The following C2CD2 variants were observed in gnomAD, a reference collection of about 807,000 sequenced individuals.
The protein encoded by C2CD2 is C2 calcium dependent domain containing 2, also known as C2 domain-containing protein 2.
C2CD2 carries 43 observed loss-of-function variants against 74.3 expected under a neutral mutation model. That is an observed-to-expected ratio of 0.58 (90% CI 0.45 to 0.75). C2CD2 has a LOEUF of 0.75. Ranked by LOEUF, C2CD2 falls within the 30% of genes least tolerant of loss-of-function variation. The pLI, the probability that C2CD2 is intolerant of heterozygous loss-of-function variation, is 0.00. For synonymous variants in C2CD2, 422 were observed against 390.7 expected, an observed-to-expected ratio of 1.08 and a Z score of -0.94; for missense variants, 801 against 916.3, an observed-to-expected ratio of 0.87 and a Z score of 1.63.
At chr21:41,897,380 G>T (rs766577208) in intron 13 of C2CD2, among the ~76,000 whole-genome samples, 1 of 152,180 alleles carries the variant, frequency 6.6e-6, no homozygotes, top group African/African-American at 2.4e-5. Flanking sequence ...ACCCATGTTT[G>T]TCCCGCTTCG....
At chr21:41,914,488 C>T in intron 6 of C2CD2, 110 bp downstream of exon 6, 3 of 847,006 alleles carry the variant, frequency 3.5e-6, no homozygotes, top group South Asian at 3.9e-5. Flanking sequence ...GCTCCCGCTG[C>T]ACCCCCACGG....
In C2CD2 at chr21:41,939,090, G is replaced by A. The variant is rs563011952; in HGVS notation, c.378+3057C>T. Among the ~76,000 whole-genome samples, 15 of 152,254 alleles carry A rather than the reference G, an allele frequency of 9.9e-5. No homozygotes were observed. The highest frequency in any genetic ancestry group is 3.1e-4 in the African/African-American group (13 of 41,558). ...CTGAATTCTATTCCACCGCGTGGAC[G>A]AGCCACAGTTTATTGATCTATTCGC... is the stretch of plus-strand genomic sequence containing the variant. On this transcript the variant is annotated intron_variant, in intron 2 of 13. Transcript: ENST00000380486. The surrounding 1 kb of genome is among the most constrained non-coding windows in gnomAD (Gnocchi z 5.5).
intron 8 of C2CD2, 150 bp downstream of exon 8, chr21:41,909,309 G>T: frequency 5.2e-6 from 3 of 571,670 alleles, no homozygotes; most frequent in Non-Finnish European, 6.4e-6. Context: ...ATTGCCTTTC[G>T]ACCAAACATT....
chr21:41,912,037 G>A (rs920779143), intron 7 of C2CD2: 30 of 288,824 alleles, frequency 1.0e-4, no homozygotes, highest in Non-Finnish European at 1.7e-4. Flanking sequence ...TCTGGATTCA[G>A]TCAGAGGCTC....
At chr21:41,914,550 G>A (rs2065065924) in intron 6 of C2CD2, 48 bp downstream of exon 6, 1 of 1,586,158 alleles carries the variant, frequency 6.3e-7, no homozygotes, top group Non-Finnish European at 8.6e-7. Flanking sequence ...ACTCTGCTCA[G>A]GGGCTGGAAG....
At chr21:41,943,599 G>A (rs2065373694) in intron 1 of C2CD2, among the ~76,000 whole-genome samples, 1 of 152,168 alleles carries the variant, frequency 6.6e-6, no homozygotes, top group South Asian at 2.1e-4. Flanking sequence ...CCACCGTGGT[G>A]AGCTAGGTCC....
intron 1 of C2CD2, among the ~76,000 whole-genome samples, chr21:41,950,835 C>T (rs2065444224): frequency 6.6e-6 from 1 of 151,984 alleles, no homozygotes; most frequent in Non-Finnish European, 1.5e-5. Context: ...CAGAAAATTC[C>T]ACTTTTCAGA....
At chr21:41,910,357 C>T (rs893897610) in intron 7 of C2CD2, among the ~76,000 whole-genome samples, 2 of 152,084 alleles carry the variant, frequency 1.3e-5, no homozygotes, top group African/African-American at 4.8e-5. Context: ...CTTTGCACGC[C>T]GTGTGATTAT....
In C2CD2 at chr21:41,907,701, A is replaced by T. The variant is rs201647017; in HGVS notation, c.1102T>A (p.Ser368Thr). Residue 368 changes from serine to threonine, a missense_variant, in exon 9 of 14, where the codon TCT becomes ACT. Transcript: ENST00000380486. ...CCCAGCACCGAGCTGCCGCAGGCAGACCCGCTGGTCAGCGTGAAGCTCTGT... is the reference window on the plus strand; with the variant it reads ...CCCAGCACCGAGCTGCCGCAGGCAGTCCCGCTGGTCAGCGTGAAGCTCTGT... Reference protein sequence around the residue: ...GPQSFTLTSGSACGSSVLGSV... With the variant: ...GPQSFTLTSGTACGSSVLGSV... 206 of 1,612,796 alleles carry T rather than the reference A, an allele frequency of 1.3e-4. 3 individuals are homozygous for T. The Middle Eastern group carries it at 0.011, about 89-fold the overall frequency.
chr21:41,885,649 T>C lies in C2CD2; in HGVS notation c.*3475A>G, dbSNP rs2064675444. The stretch of plus-strand genomic sequence containing the variant: ...TCAGACAGAGATACGTGTCCTGCCT[T>C]CCACCATCCACCAATTTGTACTCTG... On this transcript the variant is annotated 3_prime_UTR_variant, in exon 14 of 14. Coordinates refer to ENST00000380486, the MANE Select transcript of C2CD2 (RefSeq NM_015500.2). The C allele has an allele frequency of 6.6e-6, 1 of 152,354 alleles. No homozygotes were observed. The highest frequency in any genetic ancestry group is 1.5e-5 in the Non-Finnish European group (1 of 67,898). The allele number at this position is 152,354 out of a possible 1,614,324, so 9.4% of individuals were successfully genotyped here.
chr21:41,948,887 T>TTTTTTTTTA (rs2065426134), intron 1 of C2CD2, among the ~76,000 whole-genome samples: 1 of 129,208 alleles, frequency 7.7e-6, no homozygotes, highest in African/African-American at 2.8e-5. Flanking sequence ...TTTTTTTTTT[T>TTTTTTTTTA]TTTTTCTTTT....
Position 41,888,958 on chromosome 21 carries a change from G to A in C2CD2, c.*166C>T. On this transcript the variant is annotated 3_prime_UTR_variant, in exon 14 of 14. Coordinates refer to ENST00000380486, the MANE Select transcript of C2CD2 (RefSeq NM_015500.2). The stretch of plus-strand genomic sequence containing the variant: ...TGTCCTCTCTGGGAGAAGCCTCCTG[G>A]CTGGAGACTCAGATTTTGTTTTCCC... 1.6e-6 allele frequency: 1 copy of A among 629,332 alleles called. No individual in the cohort carries two copies. Among genetic ancestry groups the A allele is most frequent in the Non-Finnish European group, 2.8e-6 (1 of 357,072 alleles). The allele number at this position is 629,332 out of a possible 1,614,324, so 39.0% of individuals were successfully genotyped here.
chr21:41,886,029 TA>T lies in C2CD2; in HGVS notation c.*3094del, dbSNP rs1569047580. On this transcript the variant is annotated 3_prime_UTR_variant, in exon 14 of 14. Coordinates refer to ENST00000380486, the MANE Select transcript of C2CD2 (RefSeq NM_015500.2). The stretch of plus-strand genomic sequence containing the variant: ...ACACACGCGTGTGTGCAAACACACA[TA>T]ACACACACACACACTTAAAGCTCCA... 3 of 152,246 alleles carry T rather than the reference TA, an allele frequency of 2.0e-5. No homozygotes were observed. Among genetic ancestry groups the T allele is most frequent in the Non-Finnish European group, 4.4e-5 (3 of 68,016 alleles). 9.4% of individuals were successfully genotyped at this position (152,246 alleles called of 1,614,324 possible).
chr21:41,931,416 A>G lies in C2CD2; in HGVS notation c.379-9331T>C, dbSNP rs1377923939. Among the ~76,000 whole-genome samples, 23 of 132,128 alleles carry G rather than the reference A, an allele frequency of 1.7e-4. 3 individuals carry two copies. Among genetic ancestry groups the G allele is most frequent in the Non-Finnish European group, 3.4e-4 (21 of 60,918 alleles). The allele number at this position is 132,128 out of a possible 152,430, so 86.7% of individuals were successfully genotyped here. A position where few individuals can be genotyped will look rare whatever the true frequency, so the allele number is the denominator to read the frequency against. Reference sequence around the variant, plus strand: ...TCCCGAGAGATAAGAGCGTCTTTTGAGAAGAGTGTCTTTTTTTTTTTTTTT... The same window carrying G: ...TCCCGAGAGATAAGAGCGTCTTTTGGGAAGAGTGTCTTTTTTTTTTTTTTT... On this transcript the variant is annotated intron_variant, in intron 2 of 13. Coordinates refer to ENST00000380486, the MANE Select transcript of C2CD2 (RefSeq NM_015500.2).
intron 9 of C2CD2, 146 bp downstream of exon 9, chr21:41,907,514 C>G: frequency 1.2e-6 from 1 of 852,864 alleles, no homozygotes. Context: ...GAGTCTGGTC[C>G]TGCGTACGAT....
chr21:41,886,728 TAATCCCAGCACGCTGGG>T lies in C2CD2; in HGVS notation c.*2379_*2395del, dbSNP rs1242873743. ...GGGCCGGCCTGGTGGCTCATGCCTA[TAATCCCAGCACGCTGGG>T]AGGCCAAGGTGGGTGGATCACCTGA... On this transcript the variant is annotated 3_prime_UTR_variant, in exon 14 of 14. Transcript: ENST00000380486. The T allele has an allele frequency of 1.3e-5, 2 of 151,992 alleles. No homozygotes were observed. The highest frequency in any genetic ancestry group is 4.8e-5 in the African/African-American group (2 of 41,354). The allele number at this position is 151,992 out of a possible 1,614,324, so 9.4% of individuals were successfully genotyped here. A position where few individuals can be genotyped will look rare whatever the true frequency, so the allele number is the denominator to read the frequency against.
chr21:41,919,022 G>A (rs1224879105), intron 3 of C2CD2, 62 bp from the exon 4 acceptor site: 49 of 1,169,036 alleles, frequency 4.2e-5, no homozygotes, highest in Middle Eastern at 3.8e-4. Flanking sequence ...GTGCACGTGC[G>A]TGTGCATGTG....
intron 1 of C2CD2, among the ~76,000 whole-genome samples, chr21:41,950,111 A>G (rs999277707): frequency 6.6e-5 from 10 of 152,158 alleles, no homozygotes; most frequent in Non-Finnish European, 1.2e-4. Context: ...CGTTGTGCAC[A>G]TGTACCCTAG....
chr21:41,911,121 TA>T (rs1316426856), intron 7 of C2CD2, among the ~76,000 whole-genome samples: 2 of 152,338 alleles, frequency 1.3e-5, no homozygotes, highest in African/African-American at 2.4e-5. Context: ...ATTAAGTTTT[TA>T]AAAATTAAGA....
Sources: gnomAD v4.1 joint callset for allele counts (sites outside exome capture counted in the v4.1 genomes callset) on GRCh38, gnomAD v4.1.1 for gene constraint, Gnocchi (gnomAD v3.1) non-coding constraint, MANE v1.5 for transcripts, NCBI Gene and HGNC (gene_info 2026-07-23, HGNC 2026-07-21) for gene names.